POGLUT1: variants seen among roughly 807,000 people sequenced by gnomAD.
POGLUT1 encodes 9630046K23Rik.
A neutral mutation model predicts 61.3 loss-of-function variants in POGLUT1; 32 were observed. The ratio of observed to expected loss-of-function variants is 0.52; its 90% CI spans 0.39 to 0.70. The LOEUF (loss-of-function observed/expected upper bound fraction) is 0.70, where lower values mean the gene tolerates loss of function less well. Among genes scored for constraint, POGLUT1 ranks in the 30% least tolerant of loss-of-function variants. The probability of loss-of-function intolerance (pLI) is 0.00; values close to 1 mark genes in which losing one functional copy is unlikely to be tolerated. For missense variants in POGLUT1, 411 were observed against 469.8 expected (o/e 0.87, Z 1.16); for synonymous variants, 158 against 158.2 (o/e 1.00, Z 0.01).
At position 119,490,541 on chromosome 3, in the gene POGLUT1, T is replaced by C; in HGVS notation, c.798-10T>C. 1 of 1,613,114 alleles carries C rather than the reference T, an allele frequency of 6.2e-7. No individual in the cohort carries two copies. The highest frequency in any genetic ancestry group is 1.1e-5 in the South Asian group (1 of 90,782). On this transcript the variant is annotated splice_polypyrimidine_tract_variant and intron_variant, in intron 8 of 10. Coordinates refer to ENST00000295588, the MANE Select transcript of POGLUT1 (RefSeq NM_152305.3). Reference sequence around the variant, plus strand: ...ATAGTATCAAATGTATTTTGTTCTTTTTTCCCCAGGTATCTGTTTAATTTT... The same window carrying C: ...ATAGTATCAAATGTATTTTGTTCTTCTTTCCCCAGGTATCTGTTTAATTTT...
intron 4 of POGLUT1, 61 bp downstream of exon 4, chr3:119,477,509 G>T: frequency 6.6e-7 from 1 of 1,522,676 alleles, no homozygotes. Flanking sequence ...ATGAGCATGA[G>T]ATCTTTGTCC....
chr3:119,473,639 A>G (rs1480191115), intron 3 of POGLUT1, among the ~76,000 whole-genome samples: 1 of 151,966 alleles, frequency 6.6e-6, no homozygotes, highest in Non-Finnish European at 1.5e-5. Flanking sequence ...GTTAGAAATA[A>G]TATCTTTCTA....
rs2081758658 is a variant in POGLUT1, at chr3:119,492,296, T to C, written c.1037T>C (p.Ile346Thr). The change falls in exon 11 of 11, where the codon ATT becomes ACT. Residue 346 changes from isoleucine (I) to threonine (T), a missense_variant. By Grantham distance (89) the Ile-to-Thr change is moderately conservative. Coordinates refer to ENST00000295588, the MANE Select transcript of POGLUT1 (RefSeq NM_152305.3). ...QEIAERGSQF[I>T]RNHLQMDDIT... ...CTTGTCTCTAGGGGAAGCCAGTTTATTAGGAACCATTTGCAGATGGATGAC... is the reference window on the plus strand; with the variant it reads ...CTTGTCTCTAGGGGAAGCCAGTTTACTAGGAACCATTTGCAGATGGATGAC... The C allele has an allele frequency of 1.2e-6, 2 of 1,605,274 alleles. No homozygotes were observed. The highest frequency in any genetic ancestry group is 2.2e-5 in the South Asian group (2 of 89,488).
intron 5 of POGLUT1, among the ~76,000 whole-genome samples, chr3:119,481,960 T>C (rs1412396279): frequency 1.3e-5 from 2 of 152,172 alleles, no homozygotes; most frequent in African/African-American, 2.4e-5. Flanking sequence ...TAGAGACAGG[T>C]CTTGCTATGT....
rs200853598 is a variant in POGLUT1 at position 119,491,579 on chromosome 3, G to A, written c.1022+5G>A. ...AGCTCAAGAGATTGCTGAAAGGTGA[G>A]TTCTGTTCATTTTCCCTTTTCCACT... On this transcript the variant is annotated splice_donor_5th_base_variant and intron_variant, in intron 10 of 10. Transcript: ENST00000295588. 1.7e-4 allele frequency: 265 copies of A among 1,517,566 alleles called. 1 individual carries two copies. The highest frequency in any genetic ancestry group is 4.2e-5 in the Non-Finnish European group (46 of 1,107,206). 94.0% of individuals were successfully genotyped at this position (1,517,566 alleles called of 1,614,324 possible).
At chr3:119,483,869 C>T (rs1298486146) in intron 5 of POGLUT1, among the ~76,000 whole-genome samples, 5 of 152,118 alleles carry the variant, frequency 3.3e-5, no homozygotes, top group Non-Finnish European at 7.4e-5. Context: ...GCAAAATTAC[C>T]CCCAGTTGAA....
chr3:119,478,400 G>C (rs751074653), intron 4 of POGLUT1: 3 of 456,704 alleles, frequency 6.6e-6, no homozygotes, highest in South Asian at 4.6e-5. Flanking sequence ...CCATGGTCTA[G>C]CCTCATTTCT....
At chr3:119,479,212 G>C (rs1218321962) in intron 4 of POGLUT1, among the ~76,000 whole-genome samples, 1 of 152,080 alleles carries the variant, frequency 6.6e-6, no homozygotes, top group African/African-American at 2.4e-5. Context: ...TTACAGGTGT[G>C]AGCCACCGTG....
intron 3 of POGLUT1, among the ~76,000 whole-genome samples, chr3:119,474,426 C>G (rs929446346): frequency 1.3e-5 from 2 of 152,188 alleles, no homozygotes; most frequent in Non-Finnish European, 2.9e-5. Context: ...TCCTGCGTCT[C>G]CCTGTCTCCC....
chr3:119,479,398 G>T (rs971094464), intron 4 of POGLUT1, among the ~76,000 whole-genome samples: 4 of 152,154 alleles, frequency 2.6e-5, no homozygotes, highest in Admixed American at 2.6e-4. Flanking sequence ...TGTACAATGT[G>T]CCAGCTACTG....
chr3:119,492,448 T>G lies in POGLUT1; in HGVS notation c.*10T>G. On this transcript the variant is annotated 3_prime_UTR_variant, in exon 11 of 11. Coordinates refer to ENST00000295588, the MANE Select transcript of POGLUT1 (RefSeq NM_152305.3). ...GAAAACTGAACTATAGTAGTCATCA[T>G]AGGACCATAGTCCTCTTTGTGGCAA... The G allele has an allele frequency of 6.5e-7, 1 of 1,549,006 alleles. No individual in the cohort carries two copies. The highest frequency in any genetic ancestry group is 8.8e-7 in the Non-Finnish European group (1 of 1,137,192).
rs75617727 is a variant in POGLUT1 at position 119,492,264 on chromosome 3, G to C, written c.1023-18G>C. Reference sequence around the variant, plus strand: ...AAATTCTGTGCTTTAACATTTTCTTGTTAAATCTTGTCTCTAGGGGAAGCC... The same window carrying C: ...AAATTCTGTGCTTTAACATTTTCTTCTTAAATCTTGTCTCTAGGGGAAGCC... On this transcript the variant is annotated intron_variant, in intron 10 of 10. Coordinates refer to ENST00000295588, the MANE Select transcript of POGLUT1 (RefSeq NM_152305.3). The C allele has an allele frequency of 1.3e-6, 2 of 1,574,892 alleles. No homozygotes were observed. The highest frequency in any genetic ancestry group is 1.4e-5 in the African/African-American group (1 of 73,152).
chr3:119,470,613 G>T (rs1371578948), intron 2 of POGLUT1, among the ~76,000 whole-genome samples: 2 of 152,158 alleles, frequency 1.3e-5, no homozygotes, highest in African/African-American at 2.4e-5. Flanking sequence ...CCGGGATGAG[G>T]TATGGTAGAA....
intron 7 of POGLUT1, chr3:119,487,934 C>T (rs2081688575): frequency 6.6e-6 from 1 of 152,174 alleles, no homozygotes; most frequent in African/African-American, 2.4e-5. Context: ...AAGGTGAAGC[C>T]AGAAATGGGA....
chr3:119,478,891 A>AG (rs2081573182), intron 4 of POGLUT1, among the ~76,000 whole-genome samples: 1 of 131,310 alleles, frequency 7.6e-6, no homozygotes, highest in South Asian at 2.5e-4. Flanking sequence ...GGTGGATCAA[A>AG]AAAAAAAAAA....
At chr3:119,481,476 A>G (rs751424260) in intron 5 of POGLUT1, among the ~76,000 whole-genome samples, 2 of 152,268 alleles carry the variant, frequency 1.3e-5, no homozygotes, top group Non-Finnish European at 2.9e-5. Flanking sequence ...CCTTGTTTCC[A>G]TAAATACCTA....
At chr3:119,479,900 G>A in intron 4 of POGLUT1, 151 bp from the exon 5 acceptor site, 1 of 1,516,106 alleles carries the variant, frequency 6.6e-7, no homozygotes, top group African/African-American at 1.4e-5. Flanking sequence ...GCCTTTTAAT[G>A]TCTACAGGCT....
rs1464929067 is a variant in POGLUT1 at position 119,477,401 on chromosome 3, G to A, written c.409G>A (p.Val137Ile). The change falls in exon 4 of 11, where the codon GTT (valine) becomes ATT (isoleucine). Residue 137 changes from valine to isoleucine, a missense_variant. Val to Ile is a conservative substitution (Grantham distance 29, BLOSUM62 3). Coordinates refer to ENST00000295588, the MANE Select transcript of POGLUT1 (RefSeq NM_152305.3). Reference sequence around the variant, plus strand: ...GATCAATGTACGAGATTATCCTCAGGTTCCTAAATGGATGGAGCCTGCCAT... The same window carrying A: ...GATCAATGTACGAGATTATCCTCAGATTCCTAAATGGATGGAGCCTGCCAT... Reference protein sequence around the residue: ...MVINVRDYPQVPKWMEPAIPV... With the variant: ...MVINVRDYPQIPKWMEPAIPV... 1 of 1,614,146 alleles carries A rather than the reference G, an allele frequency of 6.2e-7. No homozygotes were observed. Among genetic ancestry groups the A allele is most frequent in the Non-Finnish European group, 8.5e-7 (1 of 1,179,992 alleles).
Position 119,490,653 on chromosome 3 carries a change from C to G in POGLUT1, c.900C>G (p.Phe300Leu). Residue 300 changes from phenylalanine (F) to leucine (L), a missense_variant, in exon 9 of 11, where the codon TTC becomes TTG. By Grantham distance (22) the Phe-to-Leu change is conservative. Transcript: ENST00000295588. ...VFHVGDEWLE[F>L]FYPQLKPWVH... is the part of the protein sequence containing the mutation. ...ATGTTGGTGATGAGTGGCTAGAATT[C>G]TTCTATCCACAGCTGAAGCCATGGG... 6.2e-7 allele frequency: 1 copy of G among 1,613,522 alleles called. No homozygotes were observed. Among genetic ancestry groups the G allele is most frequent in the Non-Finnish European group, 8.5e-7 (1 of 1,179,472 alleles).
Sources: gnomAD v4.1 joint callset for allele counts (sites outside exome capture counted in the v4.1 genomes callset) on GRCh38, gnomAD v4.1.1 for gene constraint, MANE v1.5 for transcripts, NCBI Gene and HGNC (gene_info 2026-07-23, HGNC 2026-07-21) for gene names.